The following CAND1 variants were observed in gnomAD, a reference collection of about 807,000 sequenced individuals.
The protein encoded by CAND1 is cullin associated and neddylation dissociated 1.
CAND1 carries 7 observed loss-of-function variants against 108.5 expected under a neutral mutation model. The ratio of observed to expected loss-of-function variants is 0.06; its 90% CI spans 0.04 to 0.12. The LOEUF is 0.12. Ranked by LOEUF, CAND1 falls within the 10% of genes least tolerant of loss-of-function variation. The pLI is 1.00. For missense variants in CAND1, 941 were observed against 1,448.7 expected, an observed-to-expected ratio of 0.65 and a Z score of 5.69; for synonymous variants, 534 against 512.0, an observed-to-expected ratio of 1.04 and a Z score of -0.58.
chr12:67,292,568 C>A (rs535654196), intron 2 of CAND1, 54 bp from the exon 3 acceptor site: 1 of 1,315,054 alleles, frequency 7.6e-7, no homozygotes, highest in African/African-American at 1.5e-5. Context: ...TATGTATTTT[C>A]CTGTTTTTGT....
chr12:67,283,032 A>G (rs1350226819), intron 2 of CAND1, among the ~76,000 whole-genome samples: 2 of 152,130 alleles, frequency 1.3e-5, no homozygotes, highest in African/African-American at 4.8e-5. Context: ...TATTAGTATA[A>G]CCTTTAGCCT....
chr12:67,289,999 G>GT (rs2044707722), intron 2 of CAND1, among the ~76,000 whole-genome samples: 1 of 152,078 alleles, frequency 6.6e-6, no homozygotes, highest in African/African-American at 2.4e-5. Flanking sequence ...TTGGCTGCCA[G>GT]TTTTATCACA....
intron 1 of CAND1, among the ~76,000 whole-genome samples, chr12:67,281,141 AATT>A (rs2044616128): frequency 1.3e-5 from 2 of 150,800 alleles, no homozygotes; most frequent in East Asian, 3.9e-4. Context: ...AATAATACTA[AATT>A]ATTATTTTTG....
At chr12:67,295,756 ACAAT>A (rs2044763027) in intron 4 of CAND1, among the ~76,000 whole-genome samples, 1 of 152,168 alleles carries the variant, frequency 6.6e-6, no homozygotes, top group Non-Finnish European at 1.5e-5. Context: ...CAACTTAAAA[ACAAT>A]CAAGTGCCTT....
intron 14 of CAND1, 133 bp downstream of exon 14, chr12:67,311,933 C>G: frequency 1.7e-6 from 1 of 572,782 alleles, no homozygotes; most frequent in Non-Finnish European, 3.2e-6. Flanking sequence ...GTTAACCTAT[C>G]GAATACTGAT....
rs1405768796 is a variant in CAND1 at position 67,302,628 on chromosome 12, G to T, written c.1293+13G>T. 6.3e-7 allele frequency: 1 copy of T among 1,594,324 alleles called. No individual in the cohort carries two copies. The highest frequency in any genetic ancestry group is 8.6e-7 in the Non-Finnish European group (1 of 1,166,688). ...GCTTCAGAGTCAGGTGGGTTTTAAA[G>T]TAAAGTTTAGAAAATCATGATAGTA... On this transcript the variant is annotated intron_variant, in intron 8 of 14. Transcript: ENST00000545606.
At chr12:67,283,238 A>G (rs1038430223) in intron 2 of CAND1, among the ~76,000 whole-genome samples, 1 of 152,224 alleles carries the variant, frequency 6.6e-6, no homozygotes, top group Non-Finnish European at 1.5e-5. Flanking sequence ...CATGCAATAC[A>G]AATTTCTTTA....
At chr12:67,301,260 A>C (rs1315178917) in intron 7 of CAND1, among the ~76,000 whole-genome samples, 1 of 152,056 alleles carries the variant, frequency 6.6e-6, no homozygotes, top group Middle Eastern at 3.2e-3. Flanking sequence ...TGAGTTGGAA[A>C]ATTTTATTAT....
At chr12:67,282,744 T>C (rs371162198) in intron 2 of CAND1, among the ~76,000 whole-genome samples, 6 of 152,190 alleles carry the variant, frequency 3.9e-5, no homozygotes, top group African/African-American at 1.2e-4. Flanking sequence ...AGTTAAACCA[T>C]AGTTAACTCA....
chr12:67,275,419 C>T (rs902913069), intron 1 of CAND1, among the ~76,000 whole-genome samples: 4 of 148,252 alleles, frequency 2.7e-5, no homozygotes, highest in African/African-American at 5.3e-5. Context: ...CCCAGCTACT[C>T]GCGAGGCTGA....
At chr12:67,278,240 G>T (rs376986434) in intron 1 of CAND1, among the ~76,000 whole-genome samples, 1 of 152,014 alleles carries the variant, frequency 6.6e-6, no homozygotes, top group Admixed American at 6.6e-5. Context: ...GGCTTCAAGC[G>T]ACTGCCGCCC....
chr12:67,295,995 C>G (rs986454815), intron 4 of CAND1, among the ~76,000 whole-genome samples: 1 of 152,022 alleles, frequency 6.6e-6, no homozygotes, highest in African/African-American at 2.4e-5. Flanking sequence ...GAATGGGTAG[C>G]CCTTCAATAG....
At chr12:67,287,605 T>A (rs75678289) in intron 2 of CAND1, among the ~76,000 whole-genome samples, 38 of 152,232 alleles carry the variant, frequency 2.5e-4, no homozygotes, top group African/African-American at 7.0e-4. Context: ...CCTTTTTTTT[T>A]AATCATTAAT....
chr12:67,299,191 G>T, intron 7 of CAND1, 96 bp downstream of exon 7: 1 of 1,176,160 alleles, frequency 8.5e-7, no homozygotes, highest in Non-Finnish European at 1.1e-6. Flanking sequence ...GTTTTATTTA[G>T]TTATAATAGT....
At chr12:67,296,974 TTTTTGTAGAGATGAGG>T (rs1366202237) in intron 4 of CAND1, among the ~76,000 whole-genome samples, 2 of 151,888 alleles carry the variant, frequency 1.3e-5, no homozygotes, top group Non-Finnish European at 2.9e-5. Context: ...ATTTTTGTGT[TTTTTGTAGAGATGAGG>T]TTTTGCCATG....
Position 67,306,165 on chromosome 12 carries a change from T to G in CAND1, c.2497T>G (p.Ser833Ala), listed in dbSNP as rs942942858. Reference sequence around the variant, plus strand: ...TGTCAAGAACTCAAGGTCTACAGATTCCATTCGTCTCTTAGCTCTACTTTC... The same window carrying G: ...TGTCAAGAACTCAAGGTCTACAGATGCCATTCGTCTCTTAGCTCTACTTTC... ...QDVKNSRSTDSIRLLALLSLG... is the reference protein window; with the variant it reads ...QDVKNSRSTDAIRLLALLSLG... Residue 833 changes from serine to alanine, a missense_variant, in exon 10 of 15, where the codon TCC (serine) becomes GCC (alanine). Ser to Ala is a moderately conservative substitution (Grantham distance 99). Around this residue, in one of 9 missense-constraint regions of CAND1, gnomAD observed 697 missense variants for 942.0 expected, o/e 0.74. Coordinates refer to ENST00000545606, the MANE Select transcript of CAND1 (RefSeq NM_018448.5). 3 of 1,614,122 alleles carry G rather than the reference T, an allele frequency of 1.9e-6. No homozygotes were observed. The highest frequency in any genetic ancestry group is 2.5e-6 in the Non-Finnish European group (3 of 1,179,986).
chr12:67,295,215 A>G, intron 4 of CAND1, 59 bp downstream of exon 4: 1 of 1,444,930 alleles, frequency 6.9e-7, no homozygotes, highest in Non-Finnish European at 9.4e-7. Context: ...TAATTTACTA[A>G]AAACCCTTTC....
chr12:67,269,627 A>G lies in CAND1; in HGVS notation c.-91A>G. ...CTGGAAGCGGGAGCCGCCGCGAGCG[A>G]GAGGAGGAGCTCCAGTGGCGGCGGC... On this transcript the variant is annotated 5_prime_UTR_variant, in exon 1 of 15. Coordinates refer to ENST00000545606, the MANE Select transcript of CAND1 (RefSeq NM_018448.5). 1.8e-6 allele frequency: 2 copies of G among 1,132,468 alleles called. No homozygotes were observed. Among genetic ancestry groups the G allele is most frequent in the Non-Finnish European group, 2.6e-6 (2 of 776,596 alleles). The allele number at this position is 1,132,468 out of a possible 1,614,324, so 70.2% of individuals were successfully genotyped here. A position where few individuals can be genotyped will look rare whatever the true frequency, so the allele number is the denominator to read the frequency against.
Position 67,305,323 on chromosome 12 carries a change from C to G in CAND1, c.1655C>G (p.Pro552Arg), listed in dbSNP as rs772748798. 3.1e-6 allele frequency: 5 copies of G among 1,613,992 alleles called. No homozygotes were observed. The East Asian group carries it at 8.9e-5, about 29-fold the overall frequency. Residue 552 changes from proline to arginine, a missense_variant, in exon 10 of 15, where the codon CCT becomes CGT. Physicochemically the swap from Pro to Arg is moderately radical, Grantham distance 103. Transcript: ENST00000545606. The surrounding 1 kb of genome is among the most constrained non-coding windows in gnomAD (Gnocchi z 4.4). Reference protein sequence around the residue: ...VTQQLVKVIRPLDQPSSFDAT... With the variant: ...VTQQLVKVIRRLDQPSSFDAT... ...CAACAGCTTGTCAAAGTAATTCGTC[C>G]TTTAGATCAGCCTTCCTCGTTTGAT...
Sources: allele counts gnomAD v4.1 joint callset (sites outside exome capture counted in the v4.1 genomes callset), GRCh38; gene constraint gnomAD v4.1.1; regional missense constraint gnomAD v4.1.1; non-coding constraint Gnocchi (gnomAD v3.1); transcripts MANE v1.5; gene names NCBI Gene and HGNC (gene_info 2026-07-23, HGNC 2026-07-21).